CASK: variants seen among roughly 807,000 people sequenced by gnomAD.
CASK encodes calcium/calmodulin dependent serine protein kinase, also known as peripheral plasma membrane protein CASK.
CASK carries 4 observed loss-of-function variants against 82.9 expected under a neutral mutation model. The observed-to-expected ratio is 0.05, with a 90% CI of 0.02 to 0.11. The LOEUF is 0.11. Ranked by LOEUF, CASK falls within the 10% of genes least tolerant of loss-of-function variation. The pLI is 1.00. For synonymous variants in CASK, 259 were observed against 253.5 expected (o/e 1.02, Z -0.20); for missense variants, 358 against 720.9 (o/e 0.50, Z 5.76).
intron 19 of CASK, chrX:41,555,838 C>T (rs1235722509): frequency 7.7e-6 from 3 of 390,777 alleles, no homozygotes; most frequent in African/African-American, 5.1e-5. Context: ...CTGAAGAAAG[C>T]AGGTAAGTTT....
chrX:41,605,443 A>G (rs2147268371), intron 12 of CASK, among the ~76,000 whole-genome samples: 1 of 106,137 alleles, frequency 9.4e-6, no homozygotes, highest in East Asian at 2.9e-4. Context: ...TGTCTCTTCA[A>G]AAAAAAAAAA....
At chrX:41,830,013 T>C (rs1165136116) in intron 2 of CASK, among the ~76,000 whole-genome samples, 1 of 106,730 alleles carries the variant, frequency 9.4e-6, no homozygotes, top group Non-Finnish European at 1.9e-5. Context: ...TTTTTTGTTT[T>C]GTTTTGAGAC....
intron 3 of CASK, among the ~76,000 whole-genome samples, chrX:41,780,057 TAA>T (rs1274875090): frequency 8.9e-6 from 1 of 111,888 alleles, no homozygotes; most frequent in Non-Finnish European, 1.9e-5. Flanking sequence ...TTAATTATTG[TAA>T]AAGTCTCCCC....
chrX:41,622,764 C>T, intron 10 of CASK, 130 bp from the exon 11 acceptor site: 1 of 415,878 alleles, frequency 2.4e-6, no homozygotes, highest in Non-Finnish European at 4.1e-6. Context: ...CCAAAGTGAG[C>T]CCTCATGTTC....
intron 1 of CASK, among the ~76,000 whole-genome samples, chrX:41,857,178 T>C (rs1170234169): frequency 2.7e-5 from 3 of 110,849 alleles, no homozygotes; most frequent in African/African-American, 9.9e-5. Flanking sequence ...TCAGCACTAT[T>C]AACATTTTGA....
At chrX:41,800,412 T>TATAGCA (rs748516201) in intron 2 of CASK, among the ~76,000 whole-genome samples, 2 of 111,197 alleles carry the variant, frequency 1.8e-5, no homozygotes, top group African/African-American at 3.3e-5. Context: ...CAGGGAAGGG[T>TATAGCA]ATAGCAAGTC....
At chrX:41,524,461 T>C (rs1369074729) in intron 25 of CASK, 1 of 167,395 alleles carries the variant, frequency 6.0e-6, no homozygotes, top group African/African-American at 3.2e-5. Flanking sequence ...AAATTTCAAA[T>C]TGCTAGCCAA....
intron 5 of CASK, among the ~76,000 whole-genome samples, chrX:41,701,033 C>A: frequency 9.2e-6 from 1 of 108,752 alleles, no homozygotes; most frequent in Non-Finnish European, 1.9e-5. Context: ...AGGTGACCCC[C>A]ATACATTCTC....
At chrX:41,887,500 A>G in intron 1 of CASK, among the ~76,000 whole-genome samples, 1 of 111,620 alleles carries the variant, frequency 9.0e-6, no homozygotes, top group Middle Eastern at 4.6e-3. Context: ...TGAAATGTTA[A>G]AACAATGTAT....
chrX:41,823,374 A>G (rs759607574), intron 2 of CASK, among the ~76,000 whole-genome samples: 1 of 109,937 alleles, frequency 9.1e-6, no homozygotes, highest in East Asian at 2.8e-4. Flanking sequence ...AAAAAAAAAA[A>G]AGATACTGGA....
rs182762549 is a variant in CASK, at chrX:41,620,702, G to T, written c.1033+1915C>A. Among the ~76,000 whole-genome samples the T allele has an allele frequency of 5.4e-5, 6 of 112,043 alleles. 1 individual carries two copies. The highest frequency in any genetic ancestry group is 4.7e-4 in the Admixed American group (5 of 10,532). Reference sequence around the variant, plus strand: ...ACACTTTTTATTCCCACTGCACAAAGCAAATTCTTTGTTATCAATCAAGTT... The same window carrying T: ...ACACTTTTTATTCCCACTGCACAAATCAAATTCTTTGTTATCAATCAAGTT... On this transcript the variant is annotated intron_variant, in intron 11 of 26. Transcript: ENST00000378163.
At chrX:41,788,594 G>C (rs1297446064) in intron 2 of CASK, among the ~76,000 whole-genome samples, 1 of 111,874 alleles carries the variant, frequency 8.9e-6, no homozygotes, top group Admixed American at 9.5e-5. Context: ...TGGAACCTTA[G>C]AAGATTGACT....
intron 14 of CASK, 130 bp downstream of exon 14, chrX:41,586,777 T>C: frequency 2.1e-6 from 1 of 482,968 alleles, no homozygotes; most frequent in Admixed American, 3.3e-5. Flanking sequence ...CCTGGTATTG[T>C]AATCTTAATA....
intron 3 of CASK, among the ~76,000 whole-genome samples, chrX:41,779,003 A>G (rs182194269): frequency 8.9e-6 from 1 of 111,854 alleles, no homozygotes; most frequent in South Asian, 3.7e-4. Context: ...TTTGTGCAGA[A>G]GAGTTAATAT....
intron 23 of CASK, 49 bp from the exon 24 acceptor site, chrX:41,534,835 T>A (rs886723324): frequency 6.0e-6 from 7 of 1,157,412 alleles, no homozygotes; most frequent in Non-Finnish European, 7.1e-6. Flanking sequence ...CTCTTAATAA[T>A]GTTCACAAAA....
At chrX:41,712,263 G>C (rs1479144614) in intron 5 of CASK, among the ~76,000 whole-genome samples, 1 of 112,491 alleles carries the variant, frequency 8.9e-6, no homozygotes, top group East Asian at 2.8e-4. Context: ...AACTCCCGGG[G>C]AGTTGGTTCA....
chrX:41,760,038 G>C (rs2068973443), intron 3 of CASK, among the ~76,000 whole-genome samples: 1 of 111,952 alleles, frequency 8.9e-6, no homozygotes, highest in Admixed American at 9.5e-5. Flanking sequence ...GGAAGCTCCA[G>C]CTACAAGGGA....
chrX:41,775,051 A>C (rs1222899781), intron 3 of CASK, among the ~76,000 whole-genome samples: 4 of 109,551 alleles, frequency 3.7e-5, no homozygotes, highest in Non-Finnish European at 7.6e-5. Flanking sequence ...AATTAAACTA[A>C]AGAGCTTCTG....
At chrX:41,609,577 G>C (rs183193280) in intron 12 of CASK, among the ~76,000 whole-genome samples, 1 of 104,154 alleles carries the variant, frequency 9.6e-6, no homozygotes, top group African/African-American at 3.5e-5. Context: ...TTGAGACAGA[G>C]TCTTGCTTTG....
Sources: gnomAD v4.1 joint callset for allele counts (sites outside exome capture counted in the v4.1 genomes callset) on GRCh38, gnomAD v4.1.1 for gene constraint, MANE v1.5 for transcripts, NCBI Gene and HGNC (gene_info 2026-07-23, HGNC 2026-07-21) for gene names.